The following GABBR2 variants were observed in gnomAD, a reference collection of about 807,000 sequenced individuals.
The protein encoded by GABBR2 is G-protein coupled receptor 51.
In GABBR2, 23 loss-of-function variants were observed where a neutral mutation model predicts 105.6. The observed-to-expected ratio is 0.22, with a 90% CI of 0.16 to 0.31. The LOEUF (loss-of-function observed/expected upper bound fraction) is 0.31, where lower values mean the gene tolerates loss of function less well. Among genes scored for constraint, GABBR2 ranks in the 10% least tolerant of loss-of-function variants. The pLI, the probability that GABBR2 is intolerant of heterozygous loss-of-function variation, is 1.00. For missense variants in GABBR2, 734 were observed against 1,245.5 expected (o/e 0.59, Z 6.18); for synonymous variants, 478 against 499.7 (o/e 0.96, Z 0.58).
chr9:98,362,258 T>C (rs1415632311), intron 13 of GABBR2, among the ~76,000 whole-genome samples: 1 of 152,236 alleles, frequency 6.6e-6, no homozygotes, highest in Non-Finnish European at 1.5e-5. Context: ...TATGTGAGGT[T>C]CCTTATTTTA....
chr9:98,630,251 C>T (rs571199152), intron 1 of GABBR2, among the ~76,000 whole-genome samples: 6 of 152,128 alleles, frequency 3.9e-5, no homozygotes, highest in Non-Finnish European at 7.3e-5. Flanking sequence ...TCAGTCAAAC[C>T]CTGACTTAAA....
chr9:98,560,797 T>TATATAC (rs1554717383), intron 2 of GABBR2, among the ~76,000 whole-genome samples: 28 of 148,068 alleles, frequency 1.9e-4, no homozygotes, highest in Middle Eastern at 3.6e-3. Flanking sequence ...TATATATATA[T>TATATAC]ACATAGACAC....
At chr9:98,338,806 T>C (rs1017958204) in intron 13 of GABBR2, among the ~76,000 whole-genome samples, 38 of 152,212 alleles carry the variant, frequency 2.5e-4, no homozygotes, top group Non-Finnish European at 4.8e-4. Flanking sequence ...ACTAAAAGCA[T>C]ATGTTCACAC....
rs1238765451 is a variant in GABBR2 at position 98,480,947 on chromosome 9, T to C, written c.783A>G (p.Ala261=). ...ILGQFDQNMA[A]KVFCCAYEEN... is the part of the protein sequence containing the mutation. ...TTTTACTTACACAACAGAACACTTT[T>C]GCTGCCATATTCTGGTCAAACTGGC... The change falls in exon 5 of 19, where the codon GCA becomes GCG. Residue 261 remains alanine (A), a synonymous_variant. Transcript: ENST00000259455. The C allele has an allele frequency of 6.3e-7, 1 of 1,598,486 alleles. No homozygotes were observed. Among genetic ancestry groups the C allele is most frequent in the East Asian group, 2.2e-5 (1 of 44,808 alleles).
chr9:98,509,017 C>A (rs1307861753), intron 3 of GABBR2, among the ~76,000 whole-genome samples: 6 of 152,172 alleles, frequency 3.9e-5, no homozygotes, highest in African/African-American at 4.8e-5. Context: ...GGAGGCACAC[C>A]CCAGTAGGGG....
intron 17 of GABBR2, among the ~76,000 whole-genome samples, chr9:98,296,632 T>A (rs372400619): frequency 1.3e-5 from 2 of 152,372 alleles, no homozygotes; most frequent in African/African-American, 4.8e-5. Flanking sequence ...TAATAAGGAA[T>A]GAGATTGATC....
At chr9:98,375,308 G>A (rs139953423) in intron 11 of GABBR2, 1 of 152,238 alleles carries the variant, frequency 6.6e-6, no homozygotes, top group Non-Finnish European at 1.5e-5. Flanking sequence ...ATCCAAACTT[G>A]TGAGCCACTT....
At chr9:98,532,721 G>A (rs1828090715) in intron 3 of GABBR2, among the ~76,000 whole-genome samples, 1 of 152,172 alleles carries the variant, frequency 6.6e-6, no homozygotes, top group African/African-American at 2.4e-5. Flanking sequence ...CTGGGGCTAG[G>A]ACAGAGCCCA....
chr9:98,486,728 G>C (rs986832455), intron 4 of GABBR2, among the ~76,000 whole-genome samples: 14 of 152,236 alleles, frequency 9.2e-5, no homozygotes, highest in African/African-American at 3.4e-4. Context: ...GGCTGGCCAT[G>C]ACCTGGGCCA....
At chr9:98,390,289 G>T (rs937343669) in intron 9 of GABBR2, among the ~76,000 whole-genome samples, 1 of 145,388 alleles carries the variant, frequency 6.9e-6, no homozygotes, top group Non-Finnish European at 1.5e-5. Flanking sequence ...CAGGAAAATC[G>T]CTTGAACCCA....
chr9:98,297,972 G>A (rs1312481334), intron 17 of GABBR2, among the ~76,000 whole-genome samples: 1 of 150,810 alleles, frequency 6.6e-6, no homozygotes, highest in African/African-American at 2.4e-5. Flanking sequence ...ATTCTCCAGT[G>A]AGAAGGTTGC....
intron 1 of GABBR2, among the ~76,000 whole-genome samples, chr9:98,617,699 C>T (rs1829606874): frequency 6.6e-6 from 1 of 152,140 alleles, no homozygotes; most frequent in African/African-American, 2.4e-5. Context: ...CCTAACCACT[C>T]CTCTAGTGAA....
rs183409781 is a variant in GABBR2, at chr9:98,520,088, T to C, written c.630+21785A>G. Reference sequence around the variant, plus strand: ...TCTCTGAGCTTTTTTTCTTGTCTGTTAAAAGGGCATAACCACAACTTGTCT... The same window carrying C: ...TCTCTGAGCTTTTTTTCTTGTCTGTCAAAAGGGCATAACCACAACTTGTCT... On this transcript the variant is annotated intron_variant, in intron 3 of 18. Coordinates refer to ENST00000259455, the MANE Select transcript of GABBR2 (RefSeq NM_005458.8). Among the ~76,000 whole-genome samples the C allele has an allele frequency of 1.5e-3, 233 of 152,282 alleles. No homozygotes were observed. In the Middle Eastern group the frequency reaches 0.017, roughly 11 times the overall value.
At chr9:98,517,091 C>T (rs894329138) in intron 3 of GABBR2, among the ~76,000 whole-genome samples, 1 of 152,168 alleles carries the variant, frequency 6.6e-6, no homozygotes, top group Non-Finnish European at 1.5e-5. Context: ...AGAACAGAGG[C>T]ACTCATTCCG....
At chr9:98,567,464 T>C (rs1216161709) in intron 2 of GABBR2, among the ~76,000 whole-genome samples, 1 of 152,110 alleles carries the variant, frequency 6.6e-6, no homozygotes, top group Non-Finnish European at 1.5e-5. Flanking sequence ...CTCCTGTAAG[T>C]TCTCTGTTTT....
At chr9:98,438,662 C>G (rs1176694171) in intron 7 of GABBR2, among the ~76,000 whole-genome samples, 1 of 152,152 alleles carries the variant, frequency 6.6e-6, no homozygotes, top group Non-Finnish European at 1.5e-5. Flanking sequence ...GGCCATGTTT[C>G]TAAGAGTAGT....
chr9:98,513,252 A>C (rs1300003427), intron 3 of GABBR2, among the ~76,000 whole-genome samples: 1 of 151,990 alleles, frequency 6.6e-6, no homozygotes, highest in Non-Finnish European at 1.5e-5. Flanking sequence ...TACAAAAATT[A>C]ATTCAAGATG....
chr9:98,541,359 C>CTT (rs11463257), intron 3 of GABBR2, among the ~76,000 whole-genome samples: 28 of 150,620 alleles, frequency 1.9e-4, no homozygotes, highest in African/African-American at 5.1e-4. Flanking sequence ...CATATTTTGG[C>CTT]TTTTTTTTCC....
chr9:98,681,466 T>G lies in GABBR2; in HGVS notation c.321+26951A>C, dbSNP rs973010925. Among the ~76,000 whole-genome samples, 15 of 146,758 alleles carry G rather than the reference T, an allele frequency of 1.0e-4. No individual in the cohort carries two copies. In the East Asian group the frequency reaches 1.2e-3, roughly 12 times the overall value. On this transcript the variant is annotated intron_variant, in intron 1 of 18. Coordinates refer to ENST00000259455, the MANE Select transcript of GABBR2 (RefSeq NM_005458.8). ...GGTGGGGGGAGGGGGAGGGATAGCA[T>G]TGGGAGATATAACTAATGCTAGATG... is the stretch of plus-strand genomic sequence containing the variant.
Sources: allele counts gnomAD v4.1 joint callset (sites outside exome capture counted in the v4.1 genomes callset), GRCh38; gene constraint gnomAD v4.1.1; transcripts MANE v1.5; gene names NCBI Gene and HGNC (gene_info 2026-07-23, HGNC 2026-07-21).